NPDC1: variants seen among roughly 807,000 people sequenced by gnomAD.
NPDC1 encodes neural proliferation, differentiation and control 1.
Under a neutral mutation model 32.5 loss-of-function variants are expected in NPDC1, and 18 were observed. That is an observed-to-expected ratio of 0.55 (90% CI 0.38 to 0.82). The LOEUF is 0.82. Ranked by LOEUF, NPDC1 falls within the 40% of genes least tolerant of loss-of-function variation. The pLI, the probability that NPDC1 is intolerant of heterozygous loss-of-function variation, is 0.00. For synonymous variants in NPDC1, 210 were observed against 184.7 expected (o/e 1.14, Z -1.11); for missense variants, 468 against 406.6 (o/e 1.15, Z -1.30).
rs1721299298 is a variant in NPDC1 at position 137,045,979 on chromosome 9, G to A, written c.11C>T (p.Pro4Leu). The change falls in exon 1 of 9, where the codon CCG becomes CTG. Residue 4 changes from proline (P) to leucine (L), a missense_variant. By Grantham distance (98) the Pro-to-Leu change is moderately conservative. Coordinates refer to ENST00000371601, the MANE Select transcript of NPDC1 (RefSeq NM_015392.4). ...GTGCCGCGGGGAGGGCGGAGGCAGC[G>A]GCGTCGCCATCCTTCAGCGCCGCCG... The part of the protein sequence containing the change: MAT[P>L]LPPPSPRHLR... 8.4e-7 allele frequency: 1 copy of A among 1,192,270 alleles called. No homozygotes were observed. Among genetic ancestry groups the A allele is most frequent in the Non-Finnish European group, 1.0e-6 (1 of 962,398 alleles). 73.9% of individuals were successfully genotyped at this position (1,192,270 alleles called of 1,614,324 possible).
chr9:137,039,566 C>T lies in NPDC1; in HGVS notation c.*206G>A, dbSNP rs1455762160. ...GCCCCCTCCAGTTTGGGGGTCTAAA[C>T]CGAACAGGAGAGGTGCAGGGGACCA... is the stretch of plus-strand genomic sequence containing the variant. On this transcript the variant is annotated 3_prime_UTR_variant, in exon 9 of 9. Coordinates refer to ENST00000371601, the MANE Select transcript of NPDC1 (RefSeq NM_015392.4). 3.6e-6 allele frequency: 2 copies of T among 553,764 alleles called. No individual in the cohort carries two copies. Among genetic ancestry groups the T allele is most frequent in the South Asian group, 2.5e-5 (1 of 40,224 alleles). The allele number at this position is 553,764 out of a possible 1,614,324, so 34.3% of individuals were successfully genotyped here.
At position 137,040,944 on chromosome 9, in the gene NPDC1, C is replaced by T. The variant is rs1188814153; in HGVS notation, c.426G>A (p.Leu142=). The change falls in exon 4 of 9, where the codon CTG becomes CTA. Residue 142 remains leucine (L), a synonymous_variant. Coordinates refer to ENST00000371601, the MANE Select transcript of NPDC1 (RefSeq NM_015392.4). ...GGGTTCCTGGAGTGGAGGGGAGGCCCAGCTCCAGCCCCTGCCCCCGTGCCG... is the reference window on the plus strand; with the variant it reads ...GGGTTCCTGGAGTGGAGGGGAGGCCTAGCTCCAGCCCCTGCCCCCGTGCCG... The part of the protein sequence containing the change: ...GFSARGQGLE[L]GLPSTPGTPT... The T allele has an allele frequency of 5.2e-6, 8 of 1,553,252 alleles. No individual in the cohort carries two copies. In the Admixed American group the frequency reaches 6.2e-5, roughly 12 times the overall value.
intron 2 of NPDC1, among the ~76,000 whole-genome samples, chr9:137,041,654 C>T (rs917644396): frequency 6.6e-5 from 10 of 152,076 alleles, no homozygotes; most frequent in South Asian, 2.1e-4. Flanking sequence ...AGGGCTCCAC[C>T]GGTACCCACT....
Position 137,041,220 on chromosome 9 carries a change from G to A in NPDC1, c.260-33C>T, listed in dbSNP as rs1296454211. 6 of 1,416,044 alleles carry A rather than the reference G, an allele frequency of 4.2e-6. No individual in the cohort carries two copies. In the South Asian group the frequency reaches 8.2e-5, roughly 19 times the overall value. 87.7% of individuals were successfully genotyped at this position (1,416,044 alleles called of 1,614,324 possible). A position where few individuals can be genotyped will look rare whatever the true frequency, so the allele number is the denominator to read the frequency against. On this transcript the variant is annotated intron_variant, in intron 2 of 8. Coordinates refer to ENST00000371601, the MANE Select transcript of NPDC1 (RefSeq NM_015392.4). ...GGGTGAGGGGCCATCAGGTGGAGGGGTCCGTCCAGGAGGTAGCCCCAGGCC... is the reference window on the plus strand; with the variant it reads ...GGGTGAGGGGCCATCAGGTGGAGGGATCCGTCCAGGAGGTAGCCCCAGGCC...
In NPDC1 at chr9:137,041,062, C is replaced by A; in HGVS notation, c.385G>T (p.Ala129Ser). 4 of 1,520,424 alleles carry A rather than the reference C, an allele frequency of 2.6e-6. No homozygotes were observed. The highest frequency in any genetic ancestry group is 3.5e-6 in the Non-Finnish European group (4 of 1,135,906). 94.2% of individuals were successfully genotyped at this position (1,520,424 alleles called of 1,614,324 possible). The part of the protein sequence containing the change: ...PKDRQRLPEP[A>S]TLGFSARGQG... ...GGGGCAGGGGAAGCGGGGGTCTCAC[C>A]AGGCTCCGGGAGCCGCTGTCGGTCC... is the stretch of plus-strand genomic sequence containing the variant. Residue 129 changes from alanine (A) to serine (S), a missense_variant and splice_region_variant, in exon 3 of 9, where the codon GCC becomes TCC. Physicochemically the swap from Ala to Ser is moderately conservative, Grantham distance 99. Coordinates refer to ENST00000371601, the MANE Select transcript of NPDC1 (RefSeq NM_015392.4).
Position 137,041,215 on chromosome 9 carries a change from G to C in NPDC1, c.260-28C>G, listed in dbSNP as rs1001978154. The C allele has an allele frequency of 6.3e-6, 9 of 1,418,634 alleles. No individual in the cohort carries two copies. In the African/African-American group the frequency reaches 1.0e-4, roughly 16 times the overall value. 87.9% of individuals were successfully genotyped at this position (1,418,634 alleles called of 1,614,324 possible). A position where few individuals can be genotyped will look rare whatever the true frequency, so the allele number is the denominator to read the frequency against. Reference sequence around the variant, plus strand: ...GGGGAGGGTGAGGGGCCATCAGGTGGAGGGGTCCGTCCAGGAGGTAGCCCC... The same window carrying C: ...GGGGAGGGTGAGGGGCCATCAGGTGCAGGGGTCCGTCCAGGAGGTAGCCCC... On this transcript the variant is annotated intron_variant, in intron 2 of 8. Coordinates refer to ENST00000371601, the MANE Select transcript of NPDC1 (RefSeq NM_015392.4).
intron 1 of NPDC1, 177 bp from the exon 2 acceptor site, chr9:137,043,250 C>T (rs1261775001): frequency 5.2e-6 from 4 of 769,442 alleles, no homozygotes; most frequent in Admixed American, 2.0e-5. Flanking sequence ...AACCCGGAAG[C>T]GAACAGTCCT....
rs1215142533 is a variant in NPDC1 at position 137,039,811 on chromosome 9, C to T, written c.939G>A (p.Ala313=). The T allele has an allele frequency of 1.3e-5, 10 of 778,334 alleles. No homozygotes were observed. Among genetic ancestry groups the T allele is most frequent in the Non-Finnish European group, 2.2e-5 (9 of 417,712 alleles). 48.2% of individuals were successfully genotyped at this position (778,334 alleles called of 1,614,324 possible). The change falls in exon 9 of 9, where the codon GCG becomes GCA. Residue 313 remains alanine (A), a synonymous_variant. Transcript: ENST00000371601. ...GCGGTGAGCTGGGGGCCGGCAGGGG[C>T]GCGGACAGTGCGGCGTGGTCGAACA... ...NPLFDHAALS[A]PLPAPSSPPA... is the part of the protein sequence containing the mutation.
intron 1 of NPDC1, 96 bp downstream of exon 1, chr9:137,045,774 CGGGCCTGG>C: frequency 1.4e-6 from 1 of 729,932 alleles, no homozygotes; most frequent in South Asian, 6.1e-5. Context: ...GCAGGGCCTG[CGGGCCTGG>C]GCAGGACGAG....
In NPDC1 at chr9:137,041,287, G is replaced by A. The variant is rs187824303; in HGVS notation, c.260-100C>T. On this transcript the variant is annotated intron_variant, in intron 2 of 8. Coordinates refer to ENST00000371601, the MANE Select transcript of NPDC1 (RefSeq NM_015392.4). ...GGCAGGTTCCTCCCAGGAGCCTGAG[G>A]ACTGGGTACACGCCTGGAGGCCCTC... 2.3e-5 allele frequency: 29 copies of A among 1,268,166 alleles called. No homozygotes were observed. The Admixed American group carries it at 9.2e-4, about 40-fold the overall frequency. The allele number at this position is 1,268,166 out of a possible 1,614,324, so 78.6% of individuals were successfully genotyped here.
At chr9:137,042,885 G>A (rs756415936) in intron 2 of NPDC1, 42 bp downstream of exon 2, 4 of 1,557,606 alleles carry the variant, frequency 2.6e-6, no homozygotes, top group South Asian at 2.4e-5. Flanking sequence ...AGAGGTTCAT[G>A]CAGGGACATC....
At position 137,045,870 on chromosome 9, in the gene NPDC1, T is replaced by C; in HGVS notation, c.112+8A>G. ...GCCCCGCGGCCTGCGCCCAGCGCGC[T>C]CGCTCACCCGGGTGGCCGGCGGCGG... On this transcript the variant is annotated splice_region_variant and intron_variant, in intron 1 of 8. Coordinates refer to ENST00000371601, the MANE Select transcript of NPDC1 (RefSeq NM_015392.4). The C allele has an allele frequency of 9.6e-7, 1 of 1,045,136 alleles. No homozygotes were observed. The highest frequency in any genetic ancestry group is 1.1e-6 in the Non-Finnish European group (1 of 870,426). 64.7% of individuals were successfully genotyped at this position (1,045,136 alleles called of 1,614,324 possible).
chr9:137,039,916 C>T (rs1239828993), intron 8 of NPDC1, 52 bp from the exon 9 acceptor site: 2 of 778,622 alleles, frequency 2.6e-6, no homozygotes, highest in African/African-American at 3.4e-5. Flanking sequence ...GGGATACTTG[C>T]TGGGAGGGAA....
At position 137,040,705 on chromosome 9, in the gene NPDC1, C is replaced by T. The variant is rs1342212616; in HGVS notation, c.589G>A (p.Ala197Thr). ...LILAFCVAGA[A>T]ALSVASLCWC... is the part of the protein sequence containing the mutation. Reference sequence around the variant, plus strand: ...CAGAGGGAGGCTACGGAGAGGGCGGCTGCACCGGCCACACAGAACGCCAGG... The same window carrying T: ...CAGAGGGAGGCTACGGAGAGGGCGGTTGCACCGGCCACACAGAACGCCAGG... The change falls in exon 5 of 9, where the codon GCC becomes ACC. Residue 197 changes from alanine to threonine, a missense_variant. Coordinates refer to ENST00000371601, the MANE Select transcript of NPDC1 (RefSeq NM_015392.4). 9 of 1,587,662 alleles carry T rather than the reference C, an allele frequency of 5.7e-6. No individual in the cohort carries two copies. Among genetic ancestry groups the T allele is most frequent in the Non-Finnish European group, 7.7e-6 (9 of 1,172,598 alleles).
At chr9:137,043,401 C>A (rs1347627523) in intron 1 of NPDC1, 1 of 691,364 alleles carries the variant, frequency 1.4e-6, no homozygotes, top group East Asian at 2.7e-5. Flanking sequence ...CCCACAAGCC[C>A]AGCCTCCGGC....
chr9:137,043,292 T>C (rs950438704), intron 1 of NPDC1: 2 of 719,780 alleles, frequency 2.8e-6, no homozygotes, highest in African/African-American at 3.5e-5. Context: ...GCCCCACCCC[T>C]CCCCAGGGTC....
At position 137,046,033 on chromosome 9, in the gene NPDC1, G is replaced by T. The variant is rs1564248464; in HGVS notation, c.-44C>A. 1.1e-5 allele frequency: 13 copies of T among 1,176,066 alleles called. No individual in the cohort carries two copies. The South Asian group carries it at 3.4e-4, about 31-fold the overall frequency. 72.9% of individuals were successfully genotyped at this position (1,176,066 alleles called of 1,614,324 possible). A position where few individuals can be genotyped will look rare whatever the true frequency, so the allele number is the denominator to read the frequency against. On this transcript the variant is annotated 5_prime_UTR_variant, in exon 1 of 9. Coordinates refer to ENST00000371601, the MANE Select transcript of NPDC1 (RefSeq NM_015392.4). ...GGGCAGCATGGCACCGCGAGGCCAG[G>T]GGCTCGGCGCGGGCTCCGGGCTCCG...
intron 2 of NPDC1, among the ~76,000 whole-genome samples, chr9:137,041,525 G>C (rs925933109): frequency 6.6e-6 from 1 of 152,152 alleles, no homozygotes. Flanking sequence ...GCACCTTCTC[G>C]GGTAGAGGGG....
intron 1 of NPDC1, among the ~76,000 whole-genome samples, chr9:137,044,402 C>T (rs570400462): frequency 1.4e-4 from 21 of 152,302 alleles, no homozygotes; most frequent in African/African-American, 2.9e-4. Flanking sequence ...AGGCAGTCCC[C>T]GCTCCTGTGC....
Sources: allele counts gnomAD v4.1 joint callset (sites outside exome capture counted in the v4.1 genomes callset), GRCh38; gene constraint gnomAD v4.1.1; transcripts MANE v1.5; gene names NCBI Gene and HGNC (gene_info 2026-07-23, HGNC 2026-07-21).